The following TPD52L1 variants were observed in gnomAD, a reference collection of about 807,000 sequenced individuals.
TPD52L1 encodes the protein TPD52 like 1.
Under a neutral mutation model 28.7 loss-of-function variants are expected in TPD52L1, and 18 were observed. That is an observed-to-expected ratio of 0.63 (90% CI 0.43 to 0.93). The LOEUF (loss-of-function observed/expected upper bound fraction) is 0.93, where lower values mean the gene tolerates loss of function less well. TPD52L1 is among the 40% of genes least tolerant of loss of function. TPD52L1 has a pLI of 0.00. For missense variants in TPD52L1, 203 were observed against 254.8 expected (o/e 0.80, Z 1.39); for synonymous variants, 75 against 88.8 (o/e 0.84, Z 0.88).
intron 4 of TPD52L1, among the ~76,000 whole-genome samples, chr6:125,249,914 A>G (rs1797161737): frequency 6.6e-6 from 1 of 152,090 alleles, no homozygotes; most frequent in Non-Finnish European, 1.5e-5. Flanking sequence ...ATTTTTACTA[A>G]TGCCACAATA....
intron 1 of TPD52L1, among the ~76,000 whole-genome samples, chr6:125,157,179 T>C (rs1369451357): frequency 6.6e-6 from 1 of 152,210 alleles, no homozygotes; most frequent in Non-Finnish European, 1.5e-5. Flanking sequence ...ATGGCTTGTC[T>C]TTCTGCCTGC....
chr6:125,195,869 G>T (rs889176416), intron 1 of TPD52L1, among the ~76,000 whole-genome samples: 1 of 152,112 alleles, frequency 6.6e-6, no homozygotes, highest in Non-Finnish European at 1.5e-5. Flanking sequence ...CCCTGTTCGC[G>T]CTATCACAGC....
intron 1 of TPD52L1, among the ~76,000 whole-genome samples, chr6:125,169,941 C>A (rs957000593): frequency 3.9e-5 from 6 of 152,174 alleles, no homozygotes; most frequent in Admixed American, 6.5e-5. Context: ...TAATTCCCTT[C>A]GCTTCCTCTT....
intron 1 of TPD52L1, among the ~76,000 whole-genome samples, chr6:125,219,418 C>A (rs1051650294): frequency 2.6e-5 from 4 of 152,218 alleles, no homozygotes; most frequent in Admixed American, 2.6e-4. Context: ...ACAGCTCCAA[C>A]TGCTTCGAGC....
chr6:125,223,005 A>T (rs1219715601), intron 2 of TPD52L1, among the ~76,000 whole-genome samples: 1 of 151,234 alleles, frequency 6.6e-6, no homozygotes, highest in East Asian at 1.9e-4. Flanking sequence ...TGTAAATAAG[A>T]CCTTAACTTT....
intron 1 of TPD52L1, among the ~76,000 whole-genome samples, chr6:125,159,364 G>A (rs765458570): frequency 4.6e-5 from 7 of 152,188 alleles, no homozygotes; most frequent in Non-Finnish European, 8.8e-5. Context: ...TCCATAAGAA[G>A]CAACACCTCA....
intron 1 of TPD52L1, among the ~76,000 whole-genome samples, chr6:125,209,242 G>A (rs1194424646): frequency 1.3e-5 from 2 of 152,132 alleles, no homozygotes; most frequent in Non-Finnish European, 1.5e-5. Flanking sequence ...AGCCATGAAG[G>A]GCCAGGCACA....
intron 2 of TPD52L1, among the ~76,000 whole-genome samples, chr6:125,222,905 A>T (rs772070736): frequency 6.6e-6 from 1 of 152,224 alleles, no homozygotes; most frequent in Non-Finnish European, 1.5e-5. Flanking sequence ...AAAAGAAAAC[A>T]AACTGTAACT....
intron 1 of TPD52L1, among the ~76,000 whole-genome samples, chr6:125,194,970 G>C (rs1294108912): frequency 1.3e-5 from 2 of 152,208 alleles, no homozygotes; most frequent in East Asian, 3.8e-4. Context: ...GTGTTCTGAA[G>C]TAGGGAAGTT....
At chr6:125,161,535 G>A (rs946951081) in intron 1 of TPD52L1, among the ~76,000 whole-genome samples, 1 of 152,112 alleles carries the variant, frequency 6.6e-6, no homozygotes, top group Non-Finnish European at 1.5e-5. Flanking sequence ...TGAGAGATTT[G>A]TGTCTCTATG....
chr6:125,206,188 A>C (rs530287065), intron 1 of TPD52L1, among the ~76,000 whole-genome samples: 6 of 152,174 alleles, frequency 3.9e-5, no homozygotes, highest in African/African-American at 1.4e-4. Context: ...GTGGTGACTC[A>C]TGTGTTCTTT....
chr6:125,238,214 A>G (rs1352939492), intron 3 of TPD52L1, among the ~76,000 whole-genome samples: 1 of 152,214 alleles, frequency 6.6e-6, no homozygotes, highest in Non-Finnish European at 1.5e-5. Context: ...CTTCTGAAGA[A>G]TTCTTAGCAC....
At chr6:125,252,101 G>C in intron 4 of TPD52L1, 1 of 1,522,940 alleles carries the variant, frequency 6.6e-7, no homozygotes, top group Non-Finnish European at 8.8e-7. Context: ...GCTTTCCAGG[G>C]CTCCCTGTTT....
At chr6:125,164,067 T>C (rs1341457497) in intron 1 of TPD52L1, among the ~76,000 whole-genome samples, 4 of 152,180 alleles carry the variant, frequency 2.6e-5, no homozygotes, top group African/African-American at 7.2e-5. Flanking sequence ...AGTGTTGGAG[T>C]TGGGATTTGA....
chr6:125,232,530 T>C (rs1200266221), intron 3 of TPD52L1, among the ~76,000 whole-genome samples: 1 of 152,144 alleles, frequency 6.6e-6, no homozygotes, highest in Non-Finnish European at 1.5e-5. Context: ...TTAGGTAGAA[T>C]TAGATTTCAA....
At chr6:125,240,664 T>A (rs984835808) in intron 3 of TPD52L1, among the ~76,000 whole-genome samples, 2 of 152,280 alleles carry the variant, frequency 1.3e-5, no homozygotes, top group Admixed American at 1.3e-4. Flanking sequence ...CTGATTTGTG[T>A]ACATTGATTT....
chr6:125,257,020 A>G (rs189969908), intron 5 of TPD52L1, 78 bp from the exon 6 acceptor site: 624 of 1,290,342 alleles, frequency 4.8e-4, no homozygotes, highest in Non-Finnish European at 4.6e-4. Context: ...GTTTACAGAT[A>G]TGAGCAGAAA....
At chr6:125,252,565 A>G (rs777020358) in intron 4 of TPD52L1, 9 of 152,292 alleles carry the variant, frequency 5.9e-5, no homozygotes, top group African/African-American at 2.2e-4. Context: ...GAAGTTTGTG[A>G]TTTTTAATCC....
chr6:125,220,129 G>T lies in TPD52L1; in HGVS notation c.71G>T (p.Ser24Ile). Residue 24 changes from serine (S) to isoleucine (I), a missense_variant, in exon 2 of 7, where the codon AGT becomes ATT. Coordinates refer to ENST00000534000, the MANE Select transcript of TPD52L1 (RefSeq NM_003287.4). The part of the protein sequence containing the change: ...LQGTDEDAVA[S>I]ADFSSMLSEE... ...GGAACAGACGAAGATGCAGTAGCCA[G>T]TGCTGACTTCTCTAGCATGCTCTCT... 1 of 1,613,900 alleles carries T rather than the reference G, an allele frequency of 6.2e-7. No individual in the cohort carries two copies. The highest frequency in any genetic ancestry group is 8.5e-7 in the Non-Finnish European group (1 of 1,179,844).
Sources: gnomAD v4.1 joint callset for allele counts (sites outside exome capture counted in the v4.1 genomes callset) on GRCh38, gnomAD v4.1.1 for gene constraint, MANE v1.5 for transcripts, NCBI Gene and HGNC (gene_info 2026-07-23, HGNC 2026-07-21) for gene names.